GOLGA4: variants seen among roughly 807,000 people sequenced by gnomAD.
GOLGA4 encodes golgin subfamily A member 4.
In GOLGA4, 169 loss-of-function variants were observed where a neutral mutation model predicts 265.9. The ratio of observed to expected loss-of-function variants is 0.64; its 90% CI spans 0.56 to 0.72. The LOEUF (loss-of-function observed/expected upper bound fraction) is 0.72. Ranked by LOEUF, GOLGA4 falls within the 30% of genes least tolerant of loss-of-function variation. The pLI is 0.00. For missense variants in GOLGA4, 2,482 were observed against 2,483.4 expected, an observed-to-expected ratio of 1.00 and a Z score of 0.01; for synonymous variants, 923 against 855.8, an observed-to-expected ratio of 1.08 and a Z score of -1.37.
intron 3 of GOLGA4, 70 bp from the exon 4 acceptor site, chr3:37,285,944 T>G (rs1472333587): frequency 1.1e-6 from 1 of 915,524 alleles, no homozygotes; most frequent in African/African-American, 1.7e-5. Flanking sequence ...ATAAAGAGAA[T>G]TTTTTAGTGG....
At chr3:37,343,141 G>A (rs2097043238) in intron 20 of GOLGA4, among the ~76,000 whole-genome samples, 1 of 152,016 alleles carries the variant, frequency 6.6e-6, no homozygotes, top group Non-Finnish European at 1.5e-5. Context: ...TTGTTTTCAA[G>A]ACAGAGTTTT....
chr3:37,330,161 G>C (rs1401980020), intron 16 of GOLGA4, among the ~76,000 whole-genome samples: 2 of 151,360 alleles, frequency 1.3e-5, no homozygotes, highest in African/African-American at 4.9e-5. Flanking sequence ...TGCCTAGAGA[G>C]TGTTGGAAGA....
At chr3:37,274,214 C>T (rs902476100) in intron 2 of GOLGA4, among the ~76,000 whole-genome samples, 3 of 151,746 alleles carry the variant, frequency 2.0e-5, no homozygotes, top group African/African-American at 7.3e-5. Flanking sequence ...TATTGAGAGA[C>T]ATACTGAGTT....
Position 37,299,161 on chromosome 3 carries a change from T to C in GOLGA4, c.1003-127T>C, listed in dbSNP as rs529626097. The C allele has an allele frequency of 1.6e-5, 15 of 910,780 alleles. No homozygotes were observed. The South Asian group carries it at 2.5e-4, about 15-fold the overall frequency. 56.4% of individuals were successfully genotyped at this position (910,780 alleles called of 1,614,324 possible). On this transcript the variant is annotated intron_variant, in intron 8 of 23. Coordinates refer to ENST00000361924, the MANE Select transcript of GOLGA4 (RefSeq NM_002078.5). ...GCCCTGGCCTACATAACACCAAACC[T>C]TGAGACTTACTGTGTACTTTTTTCC...
At chr3:37,350,936 C>T (rs1212918214) in intron 21 of GOLGA4, among the ~76,000 whole-genome samples, 1 of 152,104 alleles carries the variant, frequency 6.6e-6, no homozygotes, top group African/African-American at 2.4e-5. Context: ...TGGCTCTTGA[C>T]TAATCAGAGT....
intron 16 of GOLGA4, among the ~76,000 whole-genome samples, chr3:37,332,754 A>G (rs2096995112): frequency 6.6e-6 from 1 of 152,148 alleles, no homozygotes; most frequent in Non-Finnish European, 1.5e-5. Flanking sequence ...TAAACAAGCA[A>G]AAATGAAATA....
intron 20 of GOLGA4, among the ~76,000 whole-genome samples, chr3:37,345,013 G>C (rs1374968636): frequency 6.6e-6 from 1 of 152,112 alleles, no homozygotes; most frequent in Non-Finnish European, 1.5e-5. Flanking sequence ...CCAGGAGTTT[G>C]AGACTAACCT....
chr3:37,247,564 T>G (rs2096722897), intron 1 of GOLGA4, among the ~76,000 whole-genome samples: 1 of 152,182 alleles, frequency 6.6e-6, no homozygotes. Context: ...ATGACTGGAT[T>G]AGTTTTCTAA....
intron 22 of GOLGA4, among the ~76,000 whole-genome samples, chr3:37,360,728 C>G (rs1245348788): frequency 6.6e-6 from 1 of 152,062 alleles, no homozygotes; most frequent in Admixed American, 6.5e-5. Flanking sequence ...TTCCTGAAAC[C>G]ATTTCTGATA....
At chr3:37,358,558 G>A (rs2097096255) in intron 22 of GOLGA4, among the ~76,000 whole-genome samples, 2 of 152,162 alleles carry the variant, frequency 1.3e-5, no homozygotes, top group Non-Finnish European at 2.9e-5. Context: ...GCAATTCTCA[G>A]AGCCTCTTTT....
chr3:37,259,791 C>T (rs1355940505), intron 2 of GOLGA4, among the ~76,000 whole-genome samples: 1 of 152,046 alleles, frequency 6.6e-6, no homozygotes, highest in Admixed American at 6.5e-5. Context: ...CATGTTTTTT[C>T]CCATCTTATA....
chr3:37,322,612 C>T (rs1345509017), intron 13 of GOLGA4, among the ~76,000 whole-genome samples: 1 of 152,062 alleles, frequency 6.6e-6, no homozygotes, highest in Non-Finnish European at 1.5e-5. Context: ...CTTAGGAGGC[C>T]TAGATCTTCC....
intron 2 of GOLGA4, among the ~76,000 whole-genome samples, chr3:37,263,754 G>A (rs754086923): frequency 3.3e-5 from 5 of 152,184 alleles, no homozygotes; most frequent in Non-Finnish European, 5.9e-5. Context: ...ACGCATATCT[G>A]CTGAGAGTTT....
intron 2 of GOLGA4, among the ~76,000 whole-genome samples, chr3:37,274,099 C>CAAAAA (rs34797146): frequency 9.8e-6 from 1 of 101,986 alleles, no homozygotes; most frequent in Non-Finnish European, 2.0e-5. Context: ...GGCTCTGTCT[C>CAAAAA]AAAAAAAAAA....
At chr3:37,319,926 A>G (rs1013924978) in intron 12 of GOLGA4, 3 of 152,178 alleles carry the variant, frequency 2.0e-5, no homozygotes, top group Non-Finnish European at 4.4e-5. Flanking sequence ...TCAAGAAGAG[A>G]GTGCATAATT....
At chr3:37,312,896 A>G (rs957018359) in intron 10 of GOLGA4, among the ~76,000 whole-genome samples, 1 of 152,182 alleles carries the variant, frequency 6.6e-6, no homozygotes, top group Non-Finnish European at 1.5e-5. Flanking sequence ...TTTGAGTATC[A>G]GTTTTATACT....
At position 37,350,097 on chromosome 3, in the gene GOLGA4, A is replaced by C. The variant is rs553328039; in HGVS notation, c.6576+2801A>C. Among the ~76,000 whole-genome samples, 4 of 152,304 alleles carry C rather than the reference A, an allele frequency of 2.6e-5. No individual in the cohort carries two copies. The East Asian group carries it at 7.7e-4, about 29-fold the overall frequency. ...TATTGAAGATGCCTCTCCCTAAGGAATACCTGGCAGGAGAGATCACTTGTA... is the reference window on the plus strand; with the variant it reads ...TATTGAAGATGCCTCTCCCTAAGGACTACCTGGCAGGAGAGATCACTTGTA... On this transcript the variant is annotated intron_variant, in intron 21 of 23. Coordinates refer to ENST00000361924, the MANE Select transcript of GOLGA4 (RefSeq NM_002078.5).
chr3:37,335,522 A>G (rs1187138157), intron 17 of GOLGA4, among the ~76,000 whole-genome samples: 1 of 152,086 alleles, frequency 6.6e-6, no homozygotes, highest in African/African-American at 2.4e-5. Context: ...TGTAAATGTG[A>G]TACTTTTAGA....
intron 7 of GOLGA4, among the ~76,000 whole-genome samples, chr3:37,298,157 G>A (rs1216078050): frequency 6.6e-6 from 1 of 152,200 alleles, no homozygotes; most frequent in Admixed American, 6.5e-5. Flanking sequence ...CAAGATAGGG[G>A]AATTGCAGTA....
Sources: allele counts gnomAD v4.1 joint callset (sites outside exome capture counted in the v4.1 genomes callset), GRCh38; gene constraint gnomAD v4.1.1; transcripts MANE v1.5; gene names NCBI Gene and HGNC (gene_info 2026-07-23, HGNC 2026-07-21).